Variants in ANAPC7 observed in about 807,000 individuals in gnomAD.
ANAPC7 encodes anaphase-promoting complex subunit 7.
In ANAPC7, 25 loss-of-function variants were observed where a neutral mutation model predicts 63.3. The ratio of observed to expected loss-of-function variants is 0.39; its 90% CI spans 0.29 to 0.55. The LOEUF is 0.55. Among genes scored for constraint, ANAPC7 ranks in the 20% least tolerant of loss-of-function variants. The pLI, the probability that ANAPC7 is intolerant of heterozygous loss-of-function variation, is 0.57. For synonymous variants in ANAPC7, 241 were observed against 251.7 expected, an observed-to-expected ratio of 0.96 and a Z score of 0.40; for missense variants, 516 against 691.7, an observed-to-expected ratio of 0.75 and a Z score of 2.85.
chr12:110,374,649 G>T (rs1566256604), intron 10 of ANAPC7, among the ~76,000 whole-genome samples: 1 of 152,124 alleles, frequency 6.6e-6, no homozygotes, highest in Non-Finnish European at 1.5e-5. Context: ...TGAAAAAGTG[G>T]CAAACAAACA....
At chr12:110,378,239 C>T (rs944090761) in intron 8 of ANAPC7, 3 of 153,990 alleles carry the variant, frequency 1.9e-5, no homozygotes, top group Non-Finnish European at 4.3e-5. Context: ...GGATTACAAG[C>T]ATGCACCACC....
chr12:110,384,319 C>T (rs1363719692), intron 6 of ANAPC7, among the ~76,000 whole-genome samples: 1 of 152,122 alleles, frequency 6.6e-6, no homozygotes, highest in Non-Finnish European at 1.5e-5. Flanking sequence ...ATTGCTTGAG[C>T]CCAGGAGGTC....
Position 110,382,870 on chromosome 12 carries a change from T to C in ANAPC7, c.908A>G (p.Gln303Arg). The stretch of plus-strand genomic sequence containing the variant: ...AGAAACCACCCACGGTTCTGCATGC[T>C]GATCAGAGATATTGAAAAGGCGGCA... ...LGCRLFNISD[Q>R]HAEPWVVSGC... The change falls in exon 7 of 11, where the codon CAG becomes CGG. Residue 303 changes from glutamine (Q) to arginine (R), a missense_variant. Gln to Arg is a conservative substitution (Grantham distance 43). Transcript: ENST00000455511. The C allele has an allele frequency of 1.9e-6, 3 of 1,613,912 alleles. No individual in the cohort carries two copies. The highest frequency in any genetic ancestry group is 2.5e-6 in the Non-Finnish European group (3 of 1,179,840).
chr12:110,384,753 C>A (rs996894742), intron 6 of ANAPC7, among the ~76,000 whole-genome samples: 1 of 152,026 alleles, frequency 6.6e-6, no homozygotes, highest in Non-Finnish European at 1.5e-5. Flanking sequence ...TGAAAGCCTG[C>A]TATTTTCAGG....
chr12:110,374,246 ATCC>A lies in ANAPC7; in HGVS notation c.1593_1595del (p.Glu531del), dbSNP rs1566256327. ...CCCCACTCCCTTCCATGTCGTCCACATCCTCCTCCTGAGTGGCATCCGTGGGAC... is the reference window on the plus strand; with the variant it reads ...CCCCACTCCCTTCCATGTCGTCCACATCCTCCTGAGTGGCATCCGTGGGAC... On this transcript the variant is annotated inframe_deletion, in exon 11 of 11. Coordinates refer to ENST00000455511, the MANE Select transcript of ANAPC7 (RefSeq NM_016238.3). The A allele has an allele frequency of 1.2e-6, 2 of 1,613,982 alleles. No homozygotes were observed. The highest frequency in any genetic ancestry group is 1.7e-6 in the Non-Finnish European group (2 of 1,179,994).
At chr12:110,389,563 C>T (rs1017214650) in intron 3 of ANAPC7, among the ~76,000 whole-genome samples, 1 of 152,148 alleles carries the variant, frequency 6.6e-6, no homozygotes, top group Non-Finnish European at 1.5e-5. Context: ...TGCATTTTAG[C>T]GTAATTTAAA....
chr12:110,396,225 C>CAAAAAAAAAA, intron 2 of ANAPC7, 41 bp downstream of exon 2: 1 of 1,282,394 alleles, frequency 7.8e-7, no homozygotes, highest in Non-Finnish European at 1.0e-6. Context: ...GAGTCTTTCT[C>CAAAAAAAAAA]AAAAAAAAAA....
chr12:110,383,115 T>C (rs1882098433), intron 6 of ANAPC7, 155 bp from the exon 7 acceptor site: 2 of 585,030 alleles, frequency 3.4e-6, no homozygotes, highest in East Asian at 2.7e-5. Context: ...CCAACTACTA[T>C]TTCCAGTTTC....
chr12:110,375,912 T>A, intron 10 of ANAPC7, 154 bp downstream of exon 10: 1 of 1,307,328 alleles, frequency 7.6e-7, no homozygotes, highest in African/African-American at 1.5e-5. Flanking sequence ...TTAGAAGTCA[T>A]GAATTCACAA....
At chr12:110,397,039 T>TA (rs1232058621) in intron 1 of ANAPC7, among the ~76,000 whole-genome samples, 1 of 149,342 alleles carries the variant, frequency 6.7e-6, no homozygotes, top group Non-Finnish European at 1.5e-5. Context: ...CCATCTCTAC[T>TA]AAAAAATACA....
intron 1 of ANAPC7, among the ~76,000 whole-genome samples, chr12:110,401,287 A>G (rs1393437763): frequency 6.6e-6 from 1 of 151,832 alleles, no homozygotes; most frequent in Non-Finnish European, 1.5e-5. Context: ...CAGGCATCGT[A>G]CTCCTCCATT....
chr12:110,395,292 T>TA (rs1883475644), intron 2 of ANAPC7, 72 bp from the exon 3 acceptor site: 3 of 1,469,220 alleles, frequency 2.0e-6, no homozygotes, highest in Non-Finnish European at 2.8e-6. Flanking sequence ...ACGTTAAACA[T>TA]AGAGTTATCA....
rs1480183206 is a variant in ANAPC7, at chr12:110,388,956, CCTGTAGTCCCAGCTACTCGGGAGG to C, written c.409-357_409-334del. Among the ~76,000 whole-genome samples the C allele has an allele frequency of 1.5e-4, 23 of 151,962 alleles. 1 individual carries two copies. Among genetic ancestry groups the C allele is most frequent in the African/African-American group, 5.3e-4 (22 of 41,426 alleles). On this transcript the variant is annotated intron_variant, in intron 3 of 10. Coordinates refer to ENST00000455511, the MANE Select transcript of ANAPC7 (RefSeq NM_016238.3). ...AATTAGCTGGGCGTGGTGGCGGGAG[CCTGTAGTCCCAGCTACTCGGGAGG>C]CTGAGGCAGGAGAATGGTGTGAAAC...
At chr12:110,385,645 C>T (rs1007397037) in intron 6 of ANAPC7, among the ~76,000 whole-genome samples, 2 of 152,232 alleles carry the variant, frequency 1.3e-5, no homozygotes, top group Non-Finnish European at 2.9e-5. Context: ...CTCATCTAAA[C>T]GCTTGGGATG....
chr12:110,389,311 A>G (rs1403881367), intron 3 of ANAPC7, among the ~76,000 whole-genome samples: 2 of 152,182 alleles, frequency 1.3e-5, no homozygotes, highest in African/African-American at 2.4e-5. Flanking sequence ...ACTATCTCAC[A>G]TAAGAAAGTG....
At position 110,373,816 on chromosome 12, in the gene ANAPC7, ACT is replaced by A. The variant is rs1881015939; in HGVS notation, c.*326_*327del. 8.8e-6 allele frequency: 2 copies of A among 226,722 alleles called. No homozygotes were observed. The highest frequency in any genetic ancestry group is 5.6e-5 in the Admixed American group (1 of 17,770). The allele number at this position is 226,722 out of a possible 1,614,324, so 14.0% of individuals were successfully genotyped here. Reference sequence around the variant, plus strand: ...TTCAAACCAATCCATGTCACAGAACACTGTCTATTCCTTGAGCTTTTGGATTT... The same window carrying A: ...TTCAAACCAATCCATGTCACAGAACAGTCTATTCCTTGAGCTTTTGGATTT... On this transcript the variant is annotated 3_prime_UTR_variant, in exon 11 of 11. Transcript: ENST00000455511.
At chr12:110,386,544 G>T in intron 5 of ANAPC7, 75 bp from the exon 6 acceptor site, 1 of 1,247,032 alleles carries the variant, frequency 8.0e-7, no homozygotes, top group Non-Finnish European at 1.1e-6. Flanking sequence ...TGGATGATTG[G>T]TCATACAGAT....
intron 4 of ANAPC7, among the ~76,000 whole-genome samples, chr12:110,388,261 T>A (rs1882790769): frequency 6.6e-6 from 1 of 152,146 alleles, no homozygotes; most frequent in Admixed American, 6.5e-5. Context: ...GGTCTCGACC[T>A]GCTGAGCTCA....
At position 110,381,769 on chromosome 12, in the gene ANAPC7, C is replaced by T. The variant is rs778681300; in HGVS notation, c.1115G>A (p.Arg372His). 25 of 1,613,332 alleles carry T rather than the reference C, an allele frequency of 1.5e-5. No individual in the cohort carries two copies. Among genetic ancestry groups the T allele is most frequent in the East Asian group, 6.7e-5 (3 of 44,898 alleles). Residue 372 changes from arginine (R) to histidine (H), a missense_variant, in exon 8 of 11, where the codon CGC becomes CAC. Physicochemically the swap from Arg to His is conservative, Grantham distance 29. Transcript: ENST00000455511. ...FREAIRLAPC[R>H]LDCYEGLIEC... ...TTTCTTACCTTCATAACAATCTAAG[C>T]GACAAGGTGCGAGCCGTATGGCCTC...
Sources: allele counts gnomAD v4.1 joint callset (sites outside exome capture counted in the v4.1 genomes callset), GRCh38; gene constraint gnomAD v4.1.1; transcripts MANE v1.5; gene names NCBI Gene and HGNC (gene_info 2026-07-23, HGNC 2026-07-21).